The following CYLD variants were observed in gnomAD, a reference collection of about 807,000 sequenced individuals.
CYLD encodes the protein ubiquitin carboxyl-terminal hydrolase CYLD.
A neutral mutation model predicts 104.5 loss-of-function variants in CYLD; 26 were observed. The observed-to-expected ratio is 0.25, with a 90% confidence interval of 0.18 to 0.35. The LOEUF is 0.35. Ranked by LOEUF, CYLD falls within the 10% of genes least tolerant of loss-of-function variation. CYLD has a pLI of 1.00. For synonymous variants in CYLD, 385 were observed against 399.9 expected (o/e 0.96, Z 0.45); for missense variants, 703 against 1,136.1 (o/e 0.62, Z 5.48).
At chr16:50,757,644 C>A (rs1875670901) in intron 5 of CYLD, among the ~76,000 whole-genome samples, 1 of 151,966 alleles carries the variant, frequency 6.6e-6, no homozygotes, top group Admixed American at 6.6e-5. Context: ...CCACGCCATT[C>A]TCCTGCCTCA....
chr16:50,754,988 CATAT>C (rs1234691926), intron 5 of CYLD, among the ~76,000 whole-genome samples: 14 of 27,568 alleles, frequency 5.1e-4, no homozygotes, highest in Admixed American at 4.3e-3. Flanking sequence ...TACATATATA[CATAT>C]ATATGTATAT....
Position 50,796,966 on chromosome 16 carries a change from C to G in CYLD, c.*458C>G. 1 of 293,660 alleles carries G rather than the reference C, an allele frequency of 3.4e-6. No homozygotes were observed. Among genetic ancestry groups the G allele is most frequent in the Non-Finnish European group, 6.5e-6 (1 of 153,622 alleles). The allele number at this position is 293,660 out of a possible 1,614,324, so 18.2% of individuals were successfully genotyped here. ...TTTGGTTTTATTAAGAGTCTACTCT[C>G]AATCCAGTTATTAGAGATGTACTGA... On this transcript the variant is annotated 3_prime_UTR_variant, in exon 19 of 19. Coordinates refer to ENST00000427738, the MANE Select transcript of CYLD (RefSeq NM_001378743.1).
rs147959249 is a variant in CYLD, at chr16:50,797,561, A to T, written c.*1053A>T. The T allele has an allele frequency of 3.0e-4, 70 of 232,588 alleles. No individual in the cohort carries two copies. Among genetic ancestry groups the T allele is most frequent in the African/African-American group, 1.5e-3 (67 of 45,416 alleles). 14.4% of individuals were successfully genotyped at this position (232,588 alleles called of 1,614,324 possible). ...CTCCTTCTGATTAAAGTAAGTAGAA[A>T]TGGGATGTTTTGTTTAATAACAGCC... On this transcript the variant is annotated 3_prime_UTR_variant, in exon 19 of 19. Coordinates refer to ENST00000427738, the MANE Select transcript of CYLD (RefSeq NM_001378743.1).
chr16:50,750,048 A>G lies in CYLD; in HGVS notation c.350A>G (p.Asn117Ser), dbSNP rs1379681515. The G allele has an allele frequency of 3.7e-6, 6 of 1,614,154 alleles. No homozygotes were observed. The highest frequency in any genetic ancestry group is 2.2e-5 in the South Asian group (2 of 91,088). The change falls in exon 3 of 19, where the codon AAC becomes AGC. Residue 117 changes from asparagine (N) to serine (S), a missense_variant. Transcript: ENST00000427738. ...EERFSLFKNR[N>S]RLSKGLQIDV... is the part of the protein sequence containing the mutation. ...AGGTTCAGCCTGTTTAAAAACAGAA[A>G]CAGACTAAGTAAAGGCCTCCAAATA...
chr16:50,769,698 A>G (rs980987557), intron 5 of CYLD, among the ~76,000 whole-genome samples: 2 of 152,208 alleles, frequency 1.3e-5, no homozygotes, highest in Non-Finnish European at 2.9e-5. Flanking sequence ...GACGTGTGCA[A>G]CATCACAACC....
chr16:50,775,135 T>C, intron 5 of CYLD, 31 bp from the exon 6 acceptor site: 1 of 1,591,018 alleles, frequency 6.3e-7, no homozygotes, highest in Non-Finnish European at 8.5e-7. Context: ...TCAAATCCAC[T>C]GTGGGTGATA....
In CYLD at chr16:50,755,134, CACGTGT is replaced by C. The variant is rs1567427167; in HGVS notation, c.913+713_913+718del. The stretch of plus-strand genomic sequence containing the variant: ...ACATATACACATGTGTATATATACA[CACGTGT>C]ACATATGTGTGTATATACACACGTG... On this transcript the variant is annotated intron_variant, in intron 5 of 18. Transcript: ENST00000427738. Among the ~76,000 whole-genome samples, 23 of 51,846 alleles carry C rather than the reference CACGTGT, an allele frequency of 4.4e-4. 1 individual carries two copies. The highest frequency in any genetic ancestry group is 1.9e-3 in the African/African-American group (18 of 9,614). The allele number at this position is 51,846 out of a possible 152,430, so 34.0% of individuals were successfully genotyped here. A position where few individuals can be genotyped will look rare whatever the true frequency, so the allele number is the denominator to read the frequency against.
At position 50,750,095 on chromosome 16, in the gene CYLD, G is replaced by A. The variant is rs1567421013; in HGVS notation, c.397G>A (p.Val133Ile). 6.2e-7 allele frequency: 1 copy of A among 1,614,100 alleles called. No homozygotes were observed. Among genetic ancestry groups the A allele is most frequent in the South Asian group, 1.1e-5 (1 of 91,082 alleles). The change falls in exon 3 of 19, where the codon GTA becomes ATA. Residue 133 changes from valine to isoleucine, a missense_variant. Val to Ile is a conservative substitution (Grantham distance 29, BLOSUM62 3). Transcript: ENST00000427738. Reference protein sequence around the residue: ...LQIDVGCPVKVQLRSGEEKFP... With the variant: ...LQIDVGCPVKIQLRSGEEKFP... ...AATAGACGTGGGCTGTCCTGTGAAA[G>A]TACAGCTGAGATCTGGGGAAGAAAA...
chr16:50,781,498 T>A, intron 10 of CYLD, 87 bp downstream of exon 10: 2 of 1,478,908 alleles, frequency 1.4e-6, no homozygotes, highest in South Asian at 2.3e-5. Flanking sequence ...ATGGTGACAG[T>A]GTTTTAATAT....
chr16:50,746,783 A>G (rs1192164691), intron 2 of CYLD, among the ~76,000 whole-genome samples: 1 of 151,688 alleles, frequency 6.6e-6, no homozygotes. Flanking sequence ...CAAGCTTATA[A>G]TCAAATTTAT....
intron 5 of CYLD, among the ~76,000 whole-genome samples, chr16:50,770,875 C>T (rs1289196886): frequency 6.6e-6 from 1 of 152,134 alleles, no homozygotes. Flanking sequence ...ATTCTTTGTT[C>T]AATATATGGT....
chr16:50,800,229 C>T lies in CYLD; in HGVS notation c.*3721C>T, dbSNP rs1451518367. The T allele has an allele frequency of 1.3e-5, 3 of 233,116 alleles. No homozygotes were observed. Among genetic ancestry groups the T allele is most frequent in the African/African-American group, 6.6e-5 (3 of 45,336 alleles). 14.4% of individuals were successfully genotyped at this position (233,116 alleles called of 1,614,324 possible). ...CAAATTCCTGGGTCCTAGGCCATGC[C>T]TGCTGAATCCGACTGTTCAGGAAGA... On this transcript the variant is annotated 3_prime_UTR_variant, in exon 19 of 19. Transcript: ENST00000427738.
chr16:50,776,338 T>A, intron 7 of CYLD, 61 bp downstream of exon 7: 1 of 1,161,340 alleles, frequency 8.6e-7, no homozygotes, highest in Non-Finnish European at 1.3e-6. Context: ...GCCATAGCAT[T>A]AAAAAAGATT....
intron 16 of CYLD, among the ~76,000 whole-genome samples, chr16:50,792,942 T>C (rs1217488422): frequency 6.6e-6 from 1 of 152,202 alleles, no homozygotes; most frequent in East Asian, 1.9e-4. Flanking sequence ...ATTAAGAAAT[T>C]AGAAACAACT....
At chr16:50,745,530 C>T (rs1002707781) in intron 2 of CYLD, among the ~76,000 whole-genome samples, 1 of 150,814 alleles carries the variant, frequency 6.6e-6, no homozygotes, top group African/African-American at 2.4e-5. Flanking sequence ...AGGCAGACAC[C>T]ACCACACCCG....
intron 5 of CYLD, among the ~76,000 whole-genome samples, chr16:50,772,512 A>C (rs1391590929): frequency 6.6e-6 from 1 of 152,226 alleles, no homozygotes; most frequent in African/African-American, 2.4e-5. Flanking sequence ...ATATTAGTAC[A>C]TAAGTTGTAT....
intron 4 of CYLD, among the ~76,000 whole-genome samples, chr16:50,753,700 C>T (rs568793656): frequency 1.3e-5 from 2 of 152,306 alleles, no homozygotes; most frequent in East Asian, 1.9e-4. Context: ...CTGACTGGCC[C>T]GTCTACTGAT....
Position 50,801,508 on chromosome 16 carries a change from G to A in CYLD, c.*5000G>A. The A allele has an allele frequency of 4.3e-6, 1 of 233,676 alleles. No individual in the cohort carries two copies. Among genetic ancestry groups the A allele is most frequent in the Non-Finnish European group, 8.5e-6 (1 of 118,030 alleles). The allele number at this position is 233,676 out of a possible 1,614,324, so 14.5% of individuals were successfully genotyped here. On this transcript the variant is annotated 3_prime_UTR_variant, in exon 19 of 19. Transcript: ENST00000427738. Reference sequence around the variant, plus strand: ...CACTTTAACTTAAAAAATTCTAGAGGGATTATATTGGAGACTCAACTGCCC... The same window carrying A: ...CACTTTAACTTAAAAAATTCTAGAGAGATTATATTGGAGACTCAACTGCCC...
At chr16:50,777,730 A>C (rs1403935253) in intron 7 of CYLD, 95 bp from the exon 8 acceptor site, 1 of 742,722 alleles carries the variant, frequency 1.3e-6, no homozygotes, top group Non-Finnish European at 2.5e-6. Context: ...GTAAACAGTT[A>C]TTAACATCAT....
Sources: allele counts gnomAD v4.1 joint callset (sites outside exome capture counted in the v4.1 genomes callset), GRCh38; gene constraint gnomAD v4.1.1; transcripts MANE v1.5; gene names NCBI Gene and HGNC (gene_info 2026-07-23, HGNC 2026-07-21).